The following TMEM132C variants were observed in gnomAD, a reference collection of about 807,000 sequenced individuals.
TMEM132C encodes the protein transmembrane protein 132C.
Under a neutral mutation model 61.4 loss-of-function variants are expected in TMEM132C, and 29 were observed. That is an observed-to-expected ratio of 0.47 (90% CI 0.35 to 0.64). The LOEUF (loss-of-function observed/expected upper bound fraction) is 0.64. Among genes scored for constraint, TMEM132C ranks in the 30% least tolerant of loss-of-function variants. TMEM132C has a pLI of 0.00. For synonymous variants in TMEM132C, 656 were observed against 633.1 expected, an observed-to-expected ratio of 1.04 and a Z score of -0.54; for missense variants, 1,408 against 1,476.9, an observed-to-expected ratio of 0.95 and a Z score of 0.76.
In TMEM132C at chr12:128,440,309, C is replaced by T. The variant is rs187617921; in HGVS notation, c.974+24689C>T. 2.6e-3 allele frequency among the ~76,000 whole-genome samples: 389 copies of T among 152,340 alleles called. 2 individuals are homozygous for T. Among genetic ancestry groups the T allele is most frequent in the Admixed American group, 4.1e-3 (63 of 15,302 alleles). Reference sequence around the variant, plus strand: ...GTGCTCTTTTAGTTGTAGTTCTCAACTGCAAACAACAGAATCCACTCTAGC... The same window carrying T: ...GTGCTCTTTTAGTTGTAGTTCTCAATTGCAAACAACAGAATCCACTCTAGC... On this transcript the variant is annotated intron_variant, in intron 2 of 8. Transcript: ENST00000435159.
At chr12:128,358,281 G>A (rs1201205314) in intron 1 of TMEM132C, among the ~76,000 whole-genome samples, 1 of 152,068 alleles carries the variant, frequency 6.6e-6, no homozygotes, top group Non-Finnish European at 1.5e-5. Flanking sequence ...TATGCACAGC[G>A]GGACACTTTA....
chr12:128,694,921 G>A (rs1954747405), intron 6 of TMEM132C, among the ~76,000 whole-genome samples: 1 of 152,208 alleles, frequency 6.6e-6, no homozygotes, highest in Admixed American at 6.5e-5. Flanking sequence ...AATTAGCTTT[G>A]TGAGCATGGG....
At chr12:128,272,723 G>A (rs1159731746) in intron 1 of TMEM132C, among the ~76,000 whole-genome samples, 1 of 152,020 alleles carries the variant, frequency 6.6e-6, no homozygotes, top group Non-Finnish European at 1.5e-5. Flanking sequence ...TGTATAATAG[G>A]CATTTCTTTG....
At chr12:128,332,914 C>A (rs1427282754) in intron 1 of TMEM132C, among the ~76,000 whole-genome samples, 2 of 152,248 alleles carry the variant, frequency 1.3e-5, no homozygotes, top group African/African-American at 4.8e-5. Flanking sequence ...ACCCTCCAGA[C>A]AGCTCAGAAT....
At chr12:128,695,771 T>C in intron 6 of TMEM132C, 59 bp from the exon 7 acceptor site, 2 of 1,467,644 alleles carry the variant, frequency 1.4e-6, no homozygotes, top group South Asian at 2.8e-5. Context: ...CCTGCCTGTC[T>C]CAAGAACGTC....
At chr12:128,672,260 A>T (rs1954539602) in intron 5 of TMEM132C, among the ~76,000 whole-genome samples, 1 of 152,144 alleles carries the variant, frequency 6.6e-6, no homozygotes, top group Non-Finnish European at 1.5e-5. Flanking sequence ...TGGACAGCAC[A>T]GGTCCTTGTT....
intron 4 of TMEM132C, among the ~76,000 whole-genome samples, chr12:128,620,095 G>T (rs184769607): frequency 6.6e-6 from 1 of 151,800 alleles, no homozygotes; most frequent in African/African-American, 2.4e-5. Context: ...AGCCAGGTGC[G>T]GTAGCACACA....
At chr12:128,665,377 A>G (rs1276924138) in intron 4 of TMEM132C, among the ~76,000 whole-genome samples, 1 of 149,528 alleles carries the variant, frequency 6.7e-6, no homozygotes, top group East Asian at 2.0e-4. Context: ...ACACAGGTGC[A>G]CACACACACA....
intron 3 of TMEM132C, among the ~76,000 whole-genome samples, chr12:128,576,325 G>A (rs1423195289): frequency 6.6e-6 from 1 of 152,112 alleles, no homozygotes; most frequent in African/African-American, 2.4e-5. Flanking sequence ...TAGAGTCAAA[G>A]CCTTCTCTCC....
intron 2 of TMEM132C, among the ~76,000 whole-genome samples, chr12:128,514,869 A>G (rs532567383): frequency 6.6e-6 from 1 of 152,322 alleles, no homozygotes; most frequent in African/African-American, 2.4e-5. Flanking sequence ...TAGTGAGGAA[A>G]CTCAGACAAC....
chr12:128,690,705 T>C lies in TMEM132C; in HGVS notation c.1450-3124T>C, dbSNP rs114254367. On this transcript the variant is annotated intron_variant, in intron 5 of 8. Transcript: ENST00000435159. ...ACAAGCCTGGGATGGCAACTAAAAT[T>C]GCCTTCCTTCTTTAATCAGCATGTA... is the stretch of plus-strand genomic sequence containing the variant. Among the ~76,000 whole-genome samples, 1,284 of 152,290 alleles carry C rather than the reference T, an allele frequency of 8.4e-3. 14 individuals carry two copies. The highest frequency in any genetic ancestry group is 0.029 in the African/African-American group (1,187 of 41,578).
intron 1 of TMEM132C, among the ~76,000 whole-genome samples, chr12:128,411,898 C>A (rs535792075): frequency 6.6e-6 from 1 of 152,278 alleles, no homozygotes; most frequent in East Asian, 1.9e-4. Context: ...ATATTTGTAA[C>A]CCCTTCCCTT....
chr12:128,314,719 C>T (rs1225637039), intron 1 of TMEM132C, among the ~76,000 whole-genome samples: 7 of 152,136 alleles, frequency 4.6e-5, no homozygotes, highest in African/African-American at 1.7e-4. Flanking sequence ...GGACTGCCGG[C>T]GGCCACCAGA....
intron 4 of TMEM132C, among the ~76,000 whole-genome samples, chr12:128,624,408 G>A (rs1953994564): frequency 6.6e-6 from 1 of 152,056 alleles, no homozygotes; most frequent in Admixed American, 6.5e-5. Flanking sequence ...GCTGGACGTG[G>A]TGGCGGGGGC....
At chr12:128,393,010 A>G (rs972123298) in intron 1 of TMEM132C, among the ~76,000 whole-genome samples, 2 of 152,362 alleles carry the variant, frequency 1.3e-5, no homozygotes, top group South Asian at 4.1e-4. Context: ...TGCTAGTTAC[A>G]GAAACCTAAA....
At chr12:128,282,894 G>C (rs913566415) in intron 1 of TMEM132C, among the ~76,000 whole-genome samples, 1 of 152,176 alleles carries the variant, frequency 6.6e-6, no homozygotes, top group African/African-American at 2.4e-5. Flanking sequence ...ATGCTCTGCT[G>C]TTGTCTTTGT....
At chr12:128,584,940 C>G (rs1481895128) in intron 3 of TMEM132C, among the ~76,000 whole-genome samples, 2 of 152,194 alleles carry the variant, frequency 1.3e-5, no homozygotes. Flanking sequence ...AGACTTAGGT[C>G]CCCATCTGGT....
At chr12:128,617,823 C>T (rs1205192777) in intron 4 of TMEM132C, among the ~76,000 whole-genome samples, 2 of 152,110 alleles carry the variant, frequency 1.3e-5, no homozygotes, top group East Asian at 3.9e-4. Context: ...CAGATGTGCA[C>T]CCCAGAAGGT....
chr12:128,500,033 G>C (rs11608385), intron 2 of TMEM132C, among the ~76,000 whole-genome samples: 77,226 of 151,930 alleles, frequency 0.51, 19,898 homozygotes, highest in East Asian at 0.57. Flanking sequence ...TTCTCGGCAT[G>C]CTCACTAGCA....
Sources: allele counts gnomAD v4.1 joint callset (sites outside exome capture counted in the v4.1 genomes callset), GRCh38; gene constraint gnomAD v4.1.1; transcripts MANE v1.5; gene names NCBI Gene and HGNC (gene_info 2026-07-23, HGNC 2026-07-21).